The following QKI variants were observed in gnomAD, a reference collection of about 807,000 sequenced individuals.
QKI encodes KH domain-containing RNA-binding protein QKI.
In QKI, 10 loss-of-function variants were observed where a neutral mutation model predicts 39.0. The observed-to-expected ratio is 0.26, with a 90% confidence interval of 0.16 to 0.43. The LOEUF is 0.43. QKI is among the 20% of genes least tolerant of loss of function. The pLI is 1.00. For missense variants in QKI, 218 were observed against 428.0 expected, an observed-to-expected ratio of 0.51 and a Z score of 4.33; for synonymous variants, 204 against 155.4, an observed-to-expected ratio of 1.31 and a Z score of -2.33.
chr6:163,551,111 G>A (rs1032740194), intron 4 of QKI, among the ~76,000 whole-genome samples: 1 of 152,144 alleles, frequency 6.6e-6, no homozygotes, highest in Admixed American at 6.6e-5. Context: ...ATATCTGTGT[G>A]CATAAGGATA....
chr6:163,497,432 G>A (rs536012120), intron 3 of QKI, among the ~76,000 whole-genome samples: 167 of 151,984 alleles, frequency 1.1e-3, no homozygotes, highest in African/African-American at 3.9e-3. Flanking sequence ...TGTTAAAAAT[G>A]AAAAATTCAC....
chr6:163,445,783 T>G (rs963601249), intron 1 of QKI, among the ~76,000 whole-genome samples: 6 of 152,042 alleles, frequency 3.9e-5, no homozygotes, highest in Non-Finnish European at 8.8e-5. Flanking sequence ...CCCAGCTAAT[T>G]TTTTGTATTT....
intron 3 of QKI, among the ~76,000 whole-genome samples, chr6:163,515,722 A>G (rs1779750509): frequency 6.6e-6 from 1 of 152,204 alleles, no homozygotes; most frequent in Admixed American, 6.5e-5. Context: ...TCTATATGTG[A>G]AGTGGAATTT....
intron 4 of QKI, among the ~76,000 whole-genome samples, chr6:163,561,128 A>G (rs919643231): frequency 2.6e-5 from 4 of 152,182 alleles, no homozygotes; most frequent in Non-Finnish European, 4.4e-5. Context: ...AGCAGAATAT[A>G]CGGTTTTTTA....
intron 2 of QKI, among the ~76,000 whole-genome samples, chr6:163,468,090 T>C (rs982581720): frequency 4.6e-5 from 7 of 152,164 alleles, no homozygotes; most frequent in African/African-American, 1.4e-4. Context: ...GTTGACTAGA[T>C]TGGGTGTGGT....
chr6:163,564,050 A>T, intron 6 of QKI: 1 of 1,124,346 alleles, frequency 8.9e-7, no homozygotes, highest in Non-Finnish European at 1.1e-6. Context: ...CACCTCCATC[A>T]GCTCCACTTC....
chr6:163,420,844 T>A (rs1787941910), intron 1 of QKI, among the ~76,000 whole-genome samples: 1 of 152,222 alleles, frequency 6.6e-6, no homozygotes, highest in Admixed American at 6.5e-5. Flanking sequence ...GTTAAGAAAT[T>A]TGTTTATAAC....
chr6:163,513,637 G>T (rs1049760870), intron 3 of QKI, among the ~76,000 whole-genome samples: 8 of 152,096 alleles, frequency 5.3e-5, no homozygotes, highest in African/African-American at 1.9e-4. Flanking sequence ...AGGAATGTTC[G>T]ATGATGCAGC....
At chr6:163,419,768 G>T (rs1364956288) in intron 1 of QKI, among the ~76,000 whole-genome samples, 4 of 152,160 alleles carry the variant, frequency 2.6e-5, no homozygotes, top group South Asian at 4.1e-4. Context: ...AGTTGTATCC[G>T]ACTGTAACAC....
chr6:163,562,063 A>G lies in QKI; in HGVS notation c.628A>G (p.Lys210Glu). Residue 210 changes from lysine (K) to glutamate (E), a missense_variant, in exon 5 of 8, where the codon AAA becomes GAA. Lys to Glu is a moderately conservative substitution (Grantham distance 56, BLOSUM62 1). Around this residue, in one of 3 missense-constraint regions of QKI, gnomAD observed 117 missense variants for 186.0 expected, o/e 0.63. Coordinates refer to ENST00000361752, the MANE Select transcript of QKI (RefSeq NM_006775.3). Reference sequence around the variant, plus strand: ...TGGCACCTACAGAGATGCCAACATTAAATCACGTAAGAATGAGCTCTGAGG... The same window carrying G: ...TGGCACCTACAGAGATGCCAACATTGAATCACGTAAGAATGAGCTCTGAGG... ...LNGTYRDANIKSPALAFSLAA... is the reference protein window; with the variant it reads ...LNGTYRDANIESPALAFSLAA... The G allele has an allele frequency of 6.2e-7, 1 of 1,612,008 alleles. No homozygotes were observed. The highest frequency in any genetic ancestry group is 8.5e-7 in the Non-Finnish European group (1 of 1,179,146).
chr6:163,566,933 A>G (rs368134796), intron 7 of QKI, 138 bp downstream of exon 7: 3 of 1,442,160 alleles, frequency 2.1e-6, no homozygotes, highest in Non-Finnish European at 2.7e-6. Context: ...GTTTGTGATC[A>G]TTGACAGATT....
intron 3 of QKI, among the ~76,000 whole-genome samples, chr6:163,531,163 C>T (rs915211593): frequency 1.3e-5 from 2 of 152,130 alleles, no homozygotes; most frequent in African/African-American, 2.4e-5. Context: ...ATAGAGCATT[C>T]TTGTTTCAGC....
intron 1 of QKI, among the ~76,000 whole-genome samples, chr6:163,441,007 G>T (rs1789725686): frequency 6.6e-6 from 1 of 152,018 alleles, no homozygotes; most frequent in Non-Finnish European, 1.5e-5. Flanking sequence ...TGAGTACAGG[G>T]TTAATTAGGA....
Position 163,573,792 on chromosome 6 carries a change from A to G in QKI, c.*3082A>G, listed in dbSNP as rs543488658. Reference sequence around the variant, plus strand: ...TATTTTAATAAATGTTATAATACCAACCTACTAACTCTGGACTTTGTCTGT... The same window carrying G: ...TATTTTAATAAATGTTATAATACCAGCCTACTAACTCTGGACTTTGTCTGT... On this transcript the variant is annotated 3_prime_UTR_variant, in exon 8 of 8. Coordinates refer to ENST00000361752, the MANE Select transcript of QKI (RefSeq NM_006775.3). The G allele has an allele frequency of 2.6e-5, 4 of 152,278 alleles. No individual in the cohort carries two copies. Among genetic ancestry groups the G allele is most frequent in the South Asian group, 2.1e-4 (1 of 4,818 alleles). The allele number at this position is 152,278 out of a possible 1,614,324, so 9.4% of individuals were successfully genotyped here. A position where few individuals can be genotyped will look rare whatever the true frequency, so the allele number is the denominator to read the frequency against.
At chr6:163,564,012 A>G (rs1284646282) in intron 6 of QKI, 1 of 1,216,778 alleles carries the variant, frequency 8.2e-7, no homozygotes, top group Non-Finnish European at 1.0e-6. Context: ...GGTCATTCTG[A>G]GTTTTAGGTC....
intron 1 of QKI, among the ~76,000 whole-genome samples, chr6:163,419,485 T>C (rs1327586716): frequency 6.6e-6 from 1 of 152,144 alleles, no homozygotes; most frequent in Non-Finnish European, 1.5e-5. Context: ...GGTGAAATAA[T>C]CTGTTCTTTA....
chr6:163,485,490 G>A (rs1777598036), intron 3 of QKI, among the ~76,000 whole-genome samples: 1 of 152,048 alleles, frequency 6.6e-6, no homozygotes, highest in Admixed American at 6.5e-5. Flanking sequence ...TCACCCTTTG[G>A]GTATATATAT....
chr6:163,518,161 A>G (rs1486448274), intron 3 of QKI, among the ~76,000 whole-genome samples: 2 of 152,198 alleles, frequency 1.3e-5, no homozygotes, highest in African/African-American at 4.8e-5. Flanking sequence ...TCTTAAATGG[A>G]AAAAAGCTAT....
intron 1 of QKI, among the ~76,000 whole-genome samples, chr6:163,450,159 G>T (rs1468520162): frequency 1.3e-5 from 2 of 152,066 alleles, no homozygotes; most frequent in African/African-American, 2.4e-5. Context: ...CCGAGTTTAA[G>T]CAATTCTCCT....
Sources: gnomAD v4.1 joint callset for allele counts (sites outside exome capture counted in the v4.1 genomes callset) on GRCh38, gnomAD v4.1.1 for gene constraint, gnomAD v4.1.1 regional missense constraint, MANE v1.5 for transcripts, NCBI Gene and HGNC (gene_info 2026-07-23, HGNC 2026-07-21) for gene names.